The following POLD1 variants were observed in gnomAD, a reference collection of about 807,000 sequenced individuals.
POLD1 encodes the protein DNA polymerase delta 1, catalytic subunit.
In POLD1, 79 loss-of-function variants were observed where a neutral mutation model predicts 129.7. The ratio of observed to expected loss-of-function variants is 0.61; its 90% CI spans 0.51 to 0.73. The LOEUF is 0.73. Among genes scored for constraint, POLD1 ranks in the 30% least tolerant of loss-of-function variants. The pLI is 0.00. For missense variants in POLD1, 1,338 were observed against 1,595.8 expected, an observed-to-expected ratio of 0.84 and a Z score of 2.75; for synonymous variants, 714 against 683.3, an observed-to-expected ratio of 1.04 and a Z score of -0.70.
In POLD1 at chr19:50,402,126, T is replaced by A. The variant is rs1184160046; in HGVS notation, c.589+2T>A. 1 of 1,609,042 alleles carries A rather than the reference T, an allele frequency of 6.2e-7. No homozygotes were observed. Among genetic ancestry groups the A allele is most frequent in the South Asian group, 1.1e-5 (1 of 90,320 alleles). ...CTGTGGAACTGTGCTCCCGAGAGAG[T>A]GAGTGCTCCCCCAGGATCAGCGGGT... On this transcript the variant is annotated splice_donor_variant, in intron 5 of 26. Coordinates refer to ENST00000440232, the MANE Select transcript of POLD1 (RefSeq NM_002691.4). LOFTEE classifies it high-confidence loss of function.
intron 18 of POLD1, 104 bp downstream of exon 18, chr19:50,413,625 C>T: frequency 5.2e-6 from 8 of 1,528,888 alleles, no homozygotes; most frequent in Non-Finnish European, 7.2e-6. Context: ...CACACCCTGC[C>T]CACTCTCCTG....
intron 10 of POLD1, among the ~76,000 whole-genome samples, chr19:50,404,577 T>TC (rs1334350490): frequency 4.3e-5 from 5 of 115,432 alleles, no homozygotes; most frequent in East Asian, 4.3e-4. Flanking sequence ...TCTCTTTCTT[T>TC]TTTTTTTTTT....
intron 1 of POLD1, among the ~76,000 whole-genome samples, chr19:50,389,114 A>G (rs2038065995): frequency 6.7e-6 from 1 of 149,440 alleles, no homozygotes; most frequent in Non-Finnish European, 1.5e-5. Context: ...TACAGGCATG[A>G]GCCACCGCAC....
At chr19:50,389,691 A>G (rs2038087227) in intron 1 of POLD1, among the ~76,000 whole-genome samples, 1 of 150,570 alleles carries the variant, frequency 6.6e-6, no homozygotes. Context: ...GGTTCAAGCC[A>G]TTCTCTTGCC....
chr19:50,388,641 T>C (rs1224076460), intron 1 of POLD1, among the ~76,000 whole-genome samples: 1 of 152,168 alleles, frequency 6.6e-6, no homozygotes, highest in Non-Finnish European at 1.5e-5. Context: ...AGGTACAAAT[T>C]GAGTACAGTG....
chr19:50,417,469 T>C (rs900573550), intron 26 of POLD1, among the ~76,000 whole-genome samples, 200 bp downstream of exon 26: 2 of 152,140 alleles, frequency 1.3e-5, no homozygotes, highest in African/African-American at 4.8e-5. Flanking sequence ...GGGTGGGTGC[T>C]TAGGGAGGCA....
rs1440831205 is a variant in POLD1, at chr19:50,415,721, C to T, written c.2718-3C>T. The T allele has an allele frequency of 6.5e-7, 1 of 1,544,056 alleles. No homozygotes were observed. Among genetic ancestry groups the T allele is most frequent in the Non-Finnish European group, 8.7e-7 (1 of 1,147,038 alleles). The stretch of plus-strand genomic sequence containing the variant: ...ACCCACCCGCCACCCCATCTCCACG[C>T]AGGATGAGGAAGCGGGACCCCGGGA... On this transcript the variant is annotated splice_region_variant and splice_polypyrimidine_tract_variant and intron_variant, in intron 21 of 26. Transcript: ENST00000440232.
At chr19:50,390,383 C>T (rs930466015) in intron 1 of POLD1, among the ~76,000 whole-genome samples, 1 of 151,998 alleles carries the variant, frequency 6.6e-6, no homozygotes, top group Admixed American at 6.6e-5. Context: ...GTGTGTACCC[C>T]ATTTGTACCT....
chr19:50,390,831 G>A (rs1028487676), intron 1 of POLD1, among the ~76,000 whole-genome samples: 3 of 151,686 alleles, frequency 2.0e-5, no homozygotes, highest in East Asian at 1.9e-4. Flanking sequence ...ATCTTGCACC[G>A]CCCTTAATCC....
At chr19:50,386,943 A>T (rs1214578269) in intron 1 of POLD1, among the ~76,000 whole-genome samples, 1 of 152,234 alleles carries the variant, frequency 6.6e-6, no homozygotes, top group Non-Finnish European at 1.5e-5. Flanking sequence ...CTGTAATCCC[A>T]GCACTTTGGG....
At chr19:50,401,396 T>TATATATATAA (rs1555789658) in intron 3 of POLD1, among the ~76,000 whole-genome samples, 49 of 78,710 alleles carry the variant, frequency 6.2e-4, no homozygotes, top group African/African-American at 2.9e-3. Flanking sequence ...TATATATTTT[T>TATATATATAA]TTTTTTTTTT....
At chr19:50,394,873 T>C (rs12985058) in intron 1 of POLD1, among the ~76,000 whole-genome samples, 1 of 151,666 alleles carries the variant, frequency 6.6e-6, no homozygotes, top group East Asian at 2.0e-4. Flanking sequence ...TTCACCCTTG[T>C]TGCCCAGGCT....
At position 50,406,572 on chromosome 19, in the gene POLD1, TC is replaced by T; in HGVS notation, c.1494+59del. The stretch of plus-strand genomic sequence containing the variant: ...CAACCTCTGACCTCCACCTCACCCT[TC>T]CCCGGCCTCTGACCTCAACTTCACG... On this transcript the variant is annotated intron_variant, in intron 12 of 26. Coordinates refer to ENST00000440232, the MANE Select transcript of POLD1 (RefSeq NM_002691.4). The surrounding 1 kb of genome is among the most constrained non-coding windows in gnomAD (Gnocchi z 5.5). 1 of 1,320,270 alleles carries T rather than the reference TC, an allele frequency of 7.6e-7. No individual in the cohort carries two copies. 81.8% of individuals were successfully genotyped at this position (1,320,270 alleles called of 1,614,324 possible).
chr19:50,410,910 T>TA (rs1187497972), intron 17 of POLD1: 1 of 151,474 alleles, frequency 6.6e-6, no homozygotes, highest in East Asian at 1.9e-4. Flanking sequence ...TAAACCATGT[T>TA]AGTGTCAACT....
chr19:50,397,026 C>T (rs142809951), intron 1 of POLD1, among the ~76,000 whole-genome samples: 4,562 of 142,594 alleles, frequency 0.032, 230 homozygotes, highest in African/African-American at 0.11. Context: ...ATCTGGGAGG[C>T]GGAGGTTGCA....
At chr19:50,413,677 C>G in intron 18 of POLD1, 65 bp from the exon 19 acceptor site, 1 of 1,559,388 alleles carries the variant, frequency 6.4e-7, no homozygotes, top group Non-Finnish European at 8.7e-7. Flanking sequence ...CCTGCCACCC[C>G]CCGACACCAG....
intron 14 of POLD1, 130 bp from the exon 15 acceptor site, chr19:50,408,655 T>C (rs1463243838): frequency 6.5e-6 from 9 of 1,376,148 alleles, no homozygotes; most frequent in South Asian, 2.7e-5. Flanking sequence ...TGTGCTGGGA[T>C]TGCAGGAGCG....
chr19:50,415,101 GC>G, intron 20 of POLD1, 111 bp downstream of exon 20: 3 of 1,005,438 alleles, frequency 3.0e-6, no homozygotes, highest in Non-Finnish European at 4.2e-6. Flanking sequence ...ACGGGTCCAG[GC>G]CCCCAGCCCC....
intron 1 of POLD1, among the ~76,000 whole-genome samples, chr19:50,389,524 A>C (rs1446527575): frequency 6.6e-6 from 1 of 151,972 alleles, no homozygotes; most frequent in East Asian, 1.9e-4. Context: ...TATTGAATAG[A>C]CGATTCTTAT....
Sources: gnomAD v4.1 joint callset for allele counts (sites outside exome capture counted in the v4.1 genomes callset) on GRCh38, gnomAD v4.1.1 for gene constraint, Gnocchi (gnomAD v3.1) non-coding constraint, MANE v1.5 for transcripts, NCBI Gene and HGNC (gene_info 2026-07-23, HGNC 2026-07-21) for gene names.